NOTCH2: variants seen among roughly 807,000 people sequenced by gnomAD.
The protein encoded by NOTCH2 is notch receptor 2.
NOTCH2 carries 29 observed loss-of-function variants against 235.8 expected under a neutral mutation model. That is an observed-to-expected ratio of 0.12 (90% CI 0.09 to 0.17). The LOEUF (loss-of-function observed/expected upper bound fraction) is 0.17, where lower values mean the gene tolerates loss of function less well. NOTCH2 is among the 10% of genes least tolerant of loss of function. The pLI, the probability that NOTCH2 is intolerant of heterozygous loss-of-function variation, is 1.00. For missense variants in NOTCH2, 2,285 were observed against 3,150.2 expected (o/e 0.73, Z 6.57); for synonymous variants, 1,086 against 1,141.5 (o/e 0.95, Z 0.98).
chr1:119,941,592 G>C lies in NOTCH2; in HGVS notation c.2915C>G (p.Thr972Ser). The C allele has an allele frequency of 1.9e-6, 3 of 1,614,200 alleles. No individual in the cohort carries two copies. The highest frequency in any genetic ancestry group is 2.5e-6 in the Non-Finnish European group (3 of 1,180,034). Residue 972 changes from threonine to serine, a missense_variant, in exon 18 of 34, where the codon ACT (threonine) becomes AGT (serine). Transcript: ENST00000256646. ...ATCAAATCCTGCCTGGCACTTGCAA[G>C]TGTAACTGTTGACGTAGTCAGAGCA... ...GTCSDYVNSY[T>S]CKCQAGFDGV...
At chr1:119,921,972 T>C (rs1451508263) in intron 28 of NOTCH2, among the ~76,000 whole-genome samples, 163 bp from the exon 29 acceptor site, 1 of 152,162 alleles carries the variant, frequency 6.6e-6, no homozygotes, top group Non-Finnish European at 1.5e-5. Flanking sequence ...CCCTTGGCAT[T>C]CATCCTTTCC....
At chr1:119,943,742 C>T (rs1650151948) in intron 17 of NOTCH2, among the ~76,000 whole-genome samples, 1 of 152,012 alleles carries the variant, frequency 6.6e-6, no homozygotes, top group African/African-American at 2.4e-5. Context: ...GAAACATACT[C>T]AGGAATTTCT....
At chr1:120,029,525 A>G (rs758747143) in intron 2 of NOTCH2, among the ~76,000 whole-genome samples, 4 of 150,994 alleles carry the variant, frequency 2.6e-5, no homozygotes, top group Non-Finnish European at 4.4e-5. Context: ...TAATTTTTGT[A>G]TTTTTAGTAG....
Position 119,937,357 on chromosome 1 carries a change from T to C in NOTCH2, c.3447A>G (p.Gln1149=), listed in dbSNP as rs1649894606. Residue 1149 remains glutamine, a synonymous_variant, in exon 21 of 34, where the codon CAA becomes CAG. Coordinates refer to ENST00000256646, the MANE Select transcript of NOTCH2 (RefSeq NM_024408.4). ...AGGGGTTGGACGCACACTCATCGAG[T>C]TGCTCCTCACAGTAGCTCCCAGTAT... ...LGYTGSYCEE[Q]LDECASNPCQ... is the part of the protein sequence containing the mutation. 1.2e-6 allele frequency: 2 copies of C among 1,613,964 alleles called. No homozygotes were observed. Among genetic ancestry groups the C allele is most frequent in the Admixed American group, 1.7e-5 (1 of 60,000 alleles).
At chr1:119,917,816 C>A (rs1649139070) in intron 32 of NOTCH2, 54 bp from the exon 33 acceptor site, 1 of 1,059,978 alleles carries the variant, frequency 9.4e-7, no homozygotes, top group Non-Finnish European at 1.5e-6. Context: ...TAGTATAAGA[C>A]ACTATGACTT....
chr1:120,001,118 G>T (rs1490480377), intron 3 of NOTCH2, among the ~76,000 whole-genome samples: 1 of 151,918 alleles, frequency 6.6e-6, no homozygotes, highest in South Asian at 2.1e-4. Flanking sequence ...AGTGCCTTTT[G>T]CCTCCCACCA....
At position 119,912,684 on chromosome 1, in the gene NOTCH2, T is replaced by C. The variant is rs893880168; in HGVS notation, c.*2622A>G. 4 of 233,216 alleles carry C rather than the reference T, an allele frequency of 1.7e-5. No homozygotes were observed. Among genetic ancestry groups the C allele is most frequent in the Admixed American group, 1.1e-4 (2 of 17,786 alleles). 14.4% of individuals were successfully genotyped at this position (233,216 alleles called of 1,614,324 possible). A position where few individuals can be genotyped will look rare whatever the true frequency, so the allele number is the denominator to read the frequency against. On this transcript the variant is annotated 3_prime_UTR_variant, in exon 34 of 34. Transcript: ENST00000256646. ...ACCAAAAATAGCAGGGGAGGATCTATACATGGCATAAAAGATGTGTCTCAT... is the reference window on the plus strand; with the variant it reads ...ACCAAAAATAGCAGGGGAGGATCTACACATGGCATAAAAGATGTGTCTCAT...
intron 3 of NOTCH2, among the ~76,000 whole-genome samples, chr1:120,001,590 C>T (rs1239610450): frequency 2.0e-5 from 3 of 151,968 alleles, no homozygotes; most frequent in Admixed American, 6.6e-5. Flanking sequence ...CACTATTCCT[C>T]AGGGTGATCA....
chr1:119,957,880 AC>A (rs1557821665), intron 12 of NOTCH2, among the ~76,000 whole-genome samples: 239 of 147,020 alleles, frequency 1.6e-3, no homozygotes, highest in African/African-American at 5.6e-3. Flanking sequence ...ACACACACAC[AC>A]ACAACAGGCC....
chr1:119,938,146 G>T, intron 19 of NOTCH2, 136 bp from the exon 20 acceptor site: 2 of 931,236 alleles, frequency 2.1e-6, no homozygotes, highest in Non-Finnish European at 3.3e-6. Flanking sequence ...TAGTAAAAGA[G>T]CCCTTAAACT....
Position 119,913,697 on chromosome 1 carries a change from A to C in NOTCH2, c.*1609T>G, listed in dbSNP as rs1364984796. 1 of 233,208 alleles carries C rather than the reference A, an allele frequency of 4.3e-6. No homozygotes were observed. The highest frequency in any genetic ancestry group is 6.0e-5 in the East Asian group (1 of 16,604). The allele number at this position is 233,208 out of a possible 1,614,324, so 14.4% of individuals were successfully genotyped here. A position where few individuals can be genotyped will look rare whatever the true frequency, so the allele number is the denominator to read the frequency against. On this transcript the variant is annotated 3_prime_UTR_variant, in exon 34 of 34. Coordinates refer to ENST00000256646, the MANE Select transcript of NOTCH2 (RefSeq NM_024408.4). ...CAGGTGAGGGGCAATCAGTCTGAAC[A>C]ATGAGCAAGTCTATAGTTGTCCATT...
intron 2 of NOTCH2, among the ~76,000 whole-genome samples, chr1:120,017,848 G>T (rs1455237242): frequency 6.6e-6 from 1 of 150,972 alleles, no homozygotes; most frequent in Non-Finnish European, 1.5e-5. Context: ...ACTTTTATTA[G>T]TCTTTCATCG....
rs746092998 is a variant in NOTCH2, at chr1:119,919,289, G to A, written c.5781+23C>T. On this transcript the variant is annotated intron_variant, in intron 31 of 33. Transcript: ENST00000256646. ...TAGAGCCATAGGAATTATTATTCAA[G>A]TGACTCTTCTCATGTTCTTTACCTG... 1.7e-5 allele frequency: 27 copies of A among 1,595,392 alleles called. 1 individual carries two copies. In the Middle Eastern group the frequency reaches 8.7e-4, roughly 51 times the overall value.
In NOTCH2 at chr1:119,921,858, T is replaced by C. The variant is rs143658192; in HGVS notation, c.5214-49A>G. The C allele has an allele frequency of 5.2e-3, 7,689 of 1,469,626 alleles. 24 individuals carry two copies. The highest frequency in any genetic ancestry group is 6.2e-3 in the Non-Finnish European group (6,541 of 1,049,520). 91.0% of individuals were successfully genotyped at this position (1,469,626 alleles called of 1,614,324 possible). A position where few individuals can be genotyped will look rare whatever the true frequency, so the allele number is the denominator to read the frequency against. On this transcript the variant is annotated intron_variant, in intron 28 of 33. Transcript: ENST00000256646. ...AATAAGAATGGCAGTCATAAACTAA[T>C]ACAGTGGTTTTCAACACTTTCCACC...
At chr1:119,950,528 T>C (rs1182517410) in intron 15 of NOTCH2, 196 bp downstream of exon 15, 6 of 695,912 alleles carry the variant, frequency 8.6e-6, no homozygotes, top group Non-Finnish European at 1.6e-5. Flanking sequence ...CAAATGACTG[T>C]CCACCACTTG....
At chr1:119,944,695 A>G (rs965853943) in intron 17 of NOTCH2, among the ~76,000 whole-genome samples, 20 of 152,198 alleles carry the variant, frequency 1.3e-4, no homozygotes, top group African/African-American at 4.8e-4. Context: ...ATTTCTCCTC[A>G]GAAATAATGC....
chr1:119,985,058 A>T lies in NOTCH2; in HGVS notation c.874+1902T>A, dbSNP rs114417357. On this transcript the variant is annotated intron_variant, in intron 5 of 33. Coordinates refer to ENST00000256646, the MANE Select transcript of NOTCH2 (RefSeq NM_024408.4). The stretch of plus-strand genomic sequence containing the variant: ...TGTACAGGAAAACTGTGAGCAGAGA[A>T]CTGCTAGGGTATGCTGCTAGATGCA... 8.8e-3 allele frequency among the ~76,000 whole-genome samples: 1,342 copies of T among 152,280 alleles called. 16 individuals carry two copies. Among genetic ancestry groups the T allele is most frequent in the Non-Finnish European group, 0.011 (717 of 68,026 alleles).
At chr1:119,932,211 A>T (rs1649688744) in intron 22 of NOTCH2, among the ~76,000 whole-genome samples, 1 of 152,174 alleles carries the variant, frequency 6.6e-6, no homozygotes, top group Non-Finnish European at 1.5e-5. Flanking sequence ...TATGCCTGCA[A>T]GATAACTGAA....
intron 9 of NOTCH2, 50 bp from the exon 10 acceptor site, chr1:119,965,616 C>T (rs782166389): frequency 2.0e-5 from 25 of 1,247,470 alleles, no homozygotes; most frequent in Non-Finnish European, 2.4e-6. Flanking sequence ...CTTGTGTCTC[C>T]CTTTACCATG....
Sources: gnomAD v4.1 joint callset for allele counts (sites outside exome capture counted in the v4.1 genomes callset) on GRCh38, gnomAD v4.1.1 for gene constraint, MANE v1.5 for transcripts, NCBI Gene and HGNC (gene_info 2026-07-23, HGNC 2026-07-21) for gene names.